The following MEIKIN variants were observed in gnomAD, a reference collection of about 807,000 sequenced individuals.
MEIKIN encodes the protein meiotic kinetochore factor.
At chr5:131,844,672 T>C (rs1749978139) in intron 11 of MEIKIN, among the ~76,000 whole-genome samples, 1 of 152,192 alleles carries the variant, frequency 6.6e-6, no homozygotes, top group East Asian at 1.9e-4. Context: ...GTAAAAGAAC[T>C]ATCTGAAAAG....
At chr5:131,827,368 T>C (rs1319636000) in intron 11 of MEIKIN, among the ~76,000 whole-genome samples, 1 of 152,082 alleles carries the variant, frequency 6.6e-6, no homozygotes, top group Non-Finnish European at 1.5e-5. Context: ...GAAATAATAA[T>C]TATGATCACA....
chr5:131,919,403 T>C (rs1319660630), intron 6 of MEIKIN, among the ~76,000 whole-genome samples: 7 of 152,180 alleles, frequency 4.6e-5, no homozygotes, highest in South Asian at 2.1e-4. Context: ...ACACTGCCAA[T>C]AACATGAAAA....
chr5:131,822,906 ATCTC>A (rs1203045859), intron 11 of MEIKIN, among the ~76,000 whole-genome samples: 1 of 146,602 alleles, frequency 6.8e-6, no homozygotes, highest in Non-Finnish European at 1.5e-5. Flanking sequence ...GTGTATGGAG[ATCTC>A]TATTTCTCCT....
intron 9 of MEIKIN, among the ~76,000 whole-genome samples, chr5:131,873,367 G>A: frequency 6.6e-6 from 1 of 152,150 alleles, no homozygotes; most frequent in East Asian, 1.9e-4. Flanking sequence ...TGATAAAACA[G>A]ACTTTAAACC....
intron 5 of MEIKIN, 25 bp from the exon 6 acceptor site, chr5:131,921,966 G>GT (rs2149647861): frequency 2.5e-6 from 1 of 398,718 alleles, no homozygotes; most frequent in East Asian, 3.6e-5. Context: ...AAGAAATAGT[G>GT]TAAGACTTTG....
chr5:131,870,100 G>C (rs1243405030), intron 9 of MEIKIN, among the ~76,000 whole-genome samples: 1 of 150,744 alleles, frequency 6.6e-6, no homozygotes, highest in East Asian at 1.9e-4. Flanking sequence ...ATAAACTCTT[G>C]AGATGATGGA....
At chr5:131,844,948 T>C (rs1359574665) in intron 11 of MEIKIN, among the ~76,000 whole-genome samples, 2 of 152,078 alleles carry the variant, frequency 1.3e-5, no homozygotes, top group African/African-American at 4.8e-5. Flanking sequence ...AAGTAGCCTA[T>C]GACAATGAAA....
intron 3 of MEIKIN, among the ~76,000 whole-genome samples, chr5:131,943,913 T>A (rs1561762280): frequency 6.6e-6 from 1 of 151,644 alleles, no homozygotes; most frequent in Non-Finnish European, 1.5e-5. Context: ...AGGTCAGGAG[T>A]TCGAGACCAG....
intron 12 of MEIKIN, among the ~76,000 whole-genome samples, chr5:131,810,040 CAGAA>C (rs1772923928): frequency 6.6e-6 from 1 of 152,104 alleles, no homozygotes; most frequent in African/African-American, 2.4e-5. Flanking sequence ...GGCTAAAATT[CAGAA>C]AGTTTAAGGA....
Position 131,869,813 on chromosome 5 carries a change from C to T in MEIKIN, c.774+9165G>A, listed in dbSNP as rs577970936. On this transcript the variant is annotated intron_variant, in intron 9 of 12. Coordinates refer to ENST00000442687, the MANE Select transcript of MEIKIN (RefSeq NM_001303622.2). ...CACTGTTTAGGTTTTCCTACCCTGG[C>T]AATGGTTCCCATGGAGGTTTCTGTT... Among the ~76,000 whole-genome samples the T allele has an allele frequency of 3.9e-5, 6 of 152,328 alleles. No homozygotes were observed. In the South Asian group the frequency reaches 1.0e-3, roughly 26 times the overall value.
intron 12 of MEIKIN, among the ~76,000 whole-genome samples, chr5:131,814,605 A>G (rs1773067602): frequency 6.6e-6 from 1 of 152,202 alleles, no homozygotes; most frequent in Non-Finnish European, 1.5e-5. Context: ...TGGGAAAAAA[A>G]AGAAAAGAAG....
chr5:131,936,185 G>C (rs966045244), intron 4 of MEIKIN, among the ~76,000 whole-genome samples: 8 of 152,202 alleles, frequency 5.3e-5, no homozygotes, highest in African/African-American at 1.9e-4. Context: ...TCAGTGGGAG[G>C]CTGTCCTGGT....
chr5:131,858,986 A>G (rs1395136598), intron 9 of MEIKIN, among the ~76,000 whole-genome samples: 1 of 152,232 alleles, frequency 6.6e-6, no homozygotes, highest in Non-Finnish European at 1.5e-5. Context: ...GGGAATATAA[A>G]TTAGTTCAGC....
At chr5:131,820,280 G>A (rs1233092895) in intron 11 of MEIKIN, among the ~76,000 whole-genome samples, 1 of 151,530 alleles carries the variant, frequency 6.6e-6, no homozygotes, top group Non-Finnish European at 1.5e-5. Context: ...CAGCATGTTG[G>A]CCAGACTGGT....
chr5:131,899,937 T>C (rs909568466), intron 8 of MEIKIN, among the ~76,000 whole-genome samples: 46 of 152,256 alleles, frequency 3.0e-4, no homozygotes, highest in African/African-American at 1.0e-3. Flanking sequence ...CAAAGAAACA[T>C]TGGACTTAAT....
At chr5:131,834,250 T>C (rs1175176010) in intron 11 of MEIKIN, among the ~76,000 whole-genome samples, 2 of 152,224 alleles carry the variant, frequency 1.3e-5, no homozygotes, top group Non-Finnish European at 2.9e-5. Flanking sequence ...ATTCAAGGTG[T>C]ACGTGATTTG....
chr5:131,858,084 C>T (rs542972251), intron 9 of MEIKIN, among the ~76,000 whole-genome samples: 26 of 152,320 alleles, frequency 1.7e-4, no homozygotes, highest in African/African-American at 6.0e-4. Context: ...GCAGGAACAC[C>T]GGGCCCCTCC....
chr5:131,855,588 G>A (rs1272974234), intron 9 of MEIKIN, among the ~76,000 whole-genome samples: 1 of 151,880 alleles, frequency 6.6e-6, no homozygotes, highest in East Asian at 1.9e-4. Flanking sequence ...AGGTAGAGGA[G>A]AGGAGAGGAG....
At chr5:131,858,987 T>G (rs2149618315) in intron 9 of MEIKIN, among the ~76,000 whole-genome samples, 1 of 152,310 alleles carries the variant, frequency 6.6e-6, no homozygotes, top group South Asian at 2.1e-4. Context: ...GGAATATAAA[T>G]TAGTTCAGCC....
Sources: allele counts gnomAD v4.1 joint callset (sites outside exome capture counted in the v4.1 genomes callset), GRCh38; gene constraint gnomAD v4.1.1; transcripts MANE v1.5; gene names NCBI Gene and HGNC (gene_info 2026-07-23, HGNC 2026-07-21).